CTNNA3: variants seen among roughly 807,000 people sequenced by gnomAD.
The protein encoded by CTNNA3 is catenin alpha-3.
A neutral mutation model predicts 95.7 loss-of-function variants in CTNNA3; 76 were observed. That is an observed-to-expected ratio of 0.79 (90% CI 0.66 to 0.96). The LOEUF (loss-of-function observed/expected upper bound fraction) is 0.96, where lower values mean the gene tolerates loss of function less well. Ranked by LOEUF, CTNNA3 falls within the 40% of genes least tolerant of loss-of-function variation. The pLI is 0.00. For missense variants in CTNNA3, 1,191 were observed against 1,089.8 expected, an observed-to-expected ratio of 1.09 and a Z score of -1.31; for synonymous variants, 431 against 374.4, an observed-to-expected ratio of 1.15 and a Z score of -1.74.
chr10:66,650,940 G>A (rs1042654577), intron 9 of CTNNA3, among the ~76,000 whole-genome samples: 6 of 152,146 alleles, frequency 3.9e-5, no homozygotes, highest in African/African-American at 7.2e-5. Flanking sequence ...TGCCACCGCT[G>A]GCTCGGGCAG....
chr10:66,569,497 A>G (rs562610134), intron 10 of CTNNA3, among the ~76,000 whole-genome samples: 2 of 152,328 alleles, frequency 1.3e-5, no homozygotes, highest in South Asian at 2.1e-4. Context: ...TCTCAGTACT[A>G]TGACTCATTA....
chr10:67,644,303 CAT>C (rs1564805351), intron 2 of CTNNA3, among the ~76,000 whole-genome samples: 2 of 151,910 alleles, frequency 1.3e-5, no homozygotes, highest in Non-Finnish European at 2.9e-5. Flanking sequence ...AGCTTTTTTT[CAT>C]ATGTTTGTTG....
intron 11 of CTNNA3, among the ~76,000 whole-genome samples, chr10:66,485,201 T>C (rs1249707370): frequency 6.6e-6 from 1 of 152,154 alleles, no homozygotes. Flanking sequence ...TTGCCAATTC[T>C]ATTAAACATA....
intron 15 of CTNNA3, among the ~76,000 whole-genome samples, chr10:66,000,551 A>T (rs1277599697): frequency 6.6e-6 from 1 of 152,150 alleles, no homozygotes; most frequent in African/African-American, 2.4e-5. Flanking sequence ...ATCGTTGAAA[A>T]CATAATAGTA....
intron 7 of CTNNA3, among the ~76,000 whole-genome samples, chr10:67,083,819 AAG>A (rs2131887284): frequency 6.6e-6 from 1 of 152,310 alleles, no homozygotes; most frequent in Non-Finnish European, 1.5e-5. Flanking sequence ...CATACTTTTT[AAG>A]AGTCTGATTT....
rs527693198 is a variant in CTNNA3, at chr10:67,536,812, T to A, written c.459+2691A>T. Among the ~76,000 whole-genome samples the A allele has an allele frequency of 5.3e-5, 8 of 152,228 alleles. No individual in the cohort carries two copies. In the South Asian group the frequency reaches 1.7e-3, roughly 32 times the overall value. On this transcript the variant is annotated intron_variant, in intron 4 of 17. Coordinates refer to ENST00000433211, the MANE Select transcript of CTNNA3 (RefSeq NM_013266.4). ...GATCATTACAAAAAGAAACAACTTT[T>A]TTCCTCTTCCATATTTTCAAAGCAT...
chr10:66,736,926 T>C (rs950338736), intron 9 of CTNNA3, among the ~76,000 whole-genome samples: 4 of 152,188 alleles, frequency 2.6e-5, no homozygotes, highest in Non-Finnish European at 4.4e-5. Flanking sequence ...ACTTTAAATG[T>C]TTTAAACTTA....
intron 11 of CTNNA3, among the ~76,000 whole-genome samples, chr10:66,415,406 A>T (rs1589218251): frequency 6.6e-6 from 1 of 152,210 alleles, no homozygotes; most frequent in East Asian, 1.9e-4. Flanking sequence ...TTCCAATGAC[A>T]GCATGCACCA....
intron 11 of CTNNA3, among the ~76,000 whole-genome samples, chr10:66,408,594 C>G (rs943647775): frequency 2.0e-5 from 3 of 152,118 alleles, no homozygotes; most frequent in Non-Finnish European, 4.4e-5. Context: ...AAGTATCCTA[C>G]CTAGGTCAGC....
chr10:67,673,944 T>C (rs1467101121), intron 1 of CTNNA3, among the ~76,000 whole-genome samples: 2 of 151,578 alleles, frequency 1.3e-5, no homozygotes, highest in Non-Finnish European at 2.9e-5. Context: ...TTTGTGTCCA[T>C]ATCACTAATC....
intron 6 of CTNNA3, among the ~76,000 whole-genome samples, chr10:67,195,514 G>T (rs186394992): frequency 1.6e-3 from 197 of 121,300 alleles, no homozygotes; most frequent in African/African-American, 5.0e-3. Context: ...TCGGGGGCGG[G>T]GGGCGGGTAG....
intron 1 of CTNNA3, among the ~76,000 whole-genome samples, chr10:67,726,443 T>TTATATATTGTATATAATAC (rs1164076787): frequency 1.4e-5 from 1 of 71,528 alleles, no homozygotes; most frequent in Non-Finnish European, 2.4e-5. Context: ...ATATATAATA[T>TTATATATTGTATATAATAC]ATAATATTAT....
chr10:67,359,777 T>C (rs957104881), intron 5 of CTNNA3, among the ~76,000 whole-genome samples: 1 of 152,076 alleles, frequency 6.6e-6, no homozygotes, highest in African/African-American at 2.4e-5. Context: ...TGAAACATAT[T>C]TGAGTACCTA....
chr10:67,193,237 A>T (rs1863200302), intron 6 of CTNNA3, among the ~76,000 whole-genome samples: 1 of 152,026 alleles, frequency 6.6e-6, no homozygotes, highest in Admixed American at 6.6e-5. Flanking sequence ...TGGGGTAATC[A>T]TTACACAATG....
chr10:66,980,810 G>A (rs1201973068), intron 7 of CTNNA3, among the ~76,000 whole-genome samples: 1 of 152,152 alleles, frequency 6.6e-6, no homozygotes, highest in African/African-American at 2.4e-5. Context: ...CTTGAATTTT[G>A]TAATGGTCTG....
Position 65,920,419 on chromosome 10 carries a change from T to A in CTNNA3, c.2599A>T (p.Thr867Ser), listed in dbSNP as rs1368665548. The A allele has an allele frequency of 1.9e-6, 3 of 1,614,174 alleles. No homozygotes were observed. The highest frequency in any genetic ancestry group is 1.1e-5 in the South Asian group (1 of 91,086). ...PLIKREKPEE[T>S]CAAVRRGSAK... ...GAGCCTCGTCTGACAGCTGCACACG[T>A]TTCCTCTGGCTTCTCTCTTTTAATC... is the stretch of plus-strand genomic sequence containing the variant. The change falls in exon 18 of 18, where the codon ACG (threonine) becomes TCG (serine). Residue 867 changes from threonine to serine, a missense_variant. Transcript: ENST00000433211.
At chr10:66,433,097 T>G (rs544376632) in intron 11 of CTNNA3, among the ~76,000 whole-genome samples, 1 of 152,166 alleles carries the variant, frequency 6.6e-6, no homozygotes, top group African/African-American at 2.4e-5. Flanking sequence ...TGAATAGTAC[T>G]GCAATAAAAA....
intron 9 of CTNNA3, among the ~76,000 whole-genome samples, chr10:66,669,962 G>T (rs979826249): frequency 1.4e-4 from 22 of 152,114 alleles, no homozygotes; most frequent in African/African-American, 5.3e-4. Context: ...ATGAAAAATA[G>T]AATAAATTTT....
intron 13 of CTNNA3, among the ~76,000 whole-genome samples, chr10:66,258,567 G>C (rs886610530): frequency 6.6e-6 from 1 of 152,116 alleles, no homozygotes; most frequent in East Asian, 1.9e-4. Context: ...CCCAGCCTTA[G>C]CCCTACCTGA....
Sources: allele counts gnomAD v4.1 joint callset (sites outside exome capture counted in the v4.1 genomes callset), GRCh38; gene constraint gnomAD v4.1.1; transcripts MANE v1.5; gene names NCBI Gene and HGNC (gene_info 2026-07-23, HGNC 2026-07-21).